CSNK1G1: variants seen among roughly 807,000 people sequenced by gnomAD.
CSNK1G1 encodes casein kinase 1 gamma 1.
CSNK1G1 carries 22 observed loss-of-function variants against 59.6 expected under a neutral mutation model. That is an observed-to-expected ratio of 0.37 (90% confidence interval 0.26 to 0.53). The LOEUF (loss-of-function observed/expected upper bound fraction) is 0.53. Among genes scored for constraint, CSNK1G1 ranks in the 20% least tolerant of loss-of-function variants. CSNK1G1 has a pLI of 0.89. For missense variants in CSNK1G1, 384 were observed against 519.5 expected, an observed-to-expected ratio of 0.74 and a Z score of 2.54; for synonymous variants, 179 against 177.1, an observed-to-expected ratio of 1.01 and a Z score of -0.08.
At chr15:64,242,011 G>A (rs1407654691) in intron 4 of CSNK1G1, among the ~76,000 whole-genome samples, 1 of 151,616 alleles carries the variant, frequency 6.6e-6, no homozygotes, top group African/African-American at 2.4e-5. Flanking sequence ...AATCAGAAAC[G>A]AAAAAGGAGA....
intron 3 of CSNK1G1, among the ~76,000 whole-genome samples, chr15:64,256,621 A>AT (rs374189649): frequency 7.1e-4 from 108 of 151,878 alleles, no homozygotes; most frequent in African/African-American, 2.3e-3. Context: ...AGCACAGGAG[A>AT]TTTTTTTTTA....
At chr15:64,309,406 T>TA (rs1895871907) in intron 1 of CSNK1G1, among the ~76,000 whole-genome samples, 1 of 151,182 alleles carries the variant, frequency 6.6e-6, no homozygotes, top group African/African-American at 2.4e-5. Context: ...CTCACAAGGC[T>TA]AAAAAAATCC....
intron 1 of CSNK1G1, among the ~76,000 whole-genome samples, chr15:64,347,436 C>T (rs1487635602): frequency 1.3e-5 from 2 of 151,892 alleles, no homozygotes; most frequent in African/African-American, 2.4e-5. Flanking sequence ...AATTGTGGCA[C>T]ATCTATACAA....
At chr15:64,215,094 C>G (rs541950576) in intron 5 of CSNK1G1, among the ~76,000 whole-genome samples, 3 of 152,130 alleles carry the variant, frequency 2.0e-5, no homozygotes, top group South Asian at 2.1e-4. Flanking sequence ...AGCCACCATG[C>G]CTGGCCAGGG....
chr15:64,188,578 G>T lies in CSNK1G1; in HGVS notation c.1108-8124C>A. ...CAAAATCAAGTACATTCGTGTCCCT[G>T]TAGGTTTTTCTTTCGGTTTTGGATT... On this transcript the variant is annotated intron_variant, in intron 10 of 11. Coordinates refer to ENST00000303052, the MANE Select transcript of CSNK1G1 (RefSeq NM_022048.5). This position sits in a 1 kb window ranked among gnomAD's most constrained non-coding sequence, Gnocchi z 4.2. 1 of 930,316 alleles carries T rather than the reference G, an allele frequency of 1.1e-6. No homozygotes were observed. The highest frequency in any genetic ancestry group is 1.6e-6 in the Non-Finnish European group (1 of 618,222). The allele number at this position is 930,316 out of a possible 1,614,324, so 57.6% of individuals were successfully genotyped here.
chr15:64,235,459 G>A (rs894034964), intron 4 of CSNK1G1, among the ~76,000 whole-genome samples: 12 of 152,184 alleles, frequency 7.9e-5, no homozygotes, highest in Admixed American at 5.9e-4. Context: ...CCCAAAGTGG[G>A]TGTCTGAGAA....
At chr15:64,349,177 T>C (rs1407970065) in intron 1 of CSNK1G1, among the ~76,000 whole-genome samples, 1 of 150,934 alleles carries the variant, frequency 6.6e-6, no homozygotes, top group Non-Finnish European at 1.5e-5. Flanking sequence ...GAAGAAAATG[T>C]ATAACTTTCA....
intron 10 of CSNK1G1, among the ~76,000 whole-genome samples, chr15:64,201,287 A>AG (rs1555499588): frequency 3.0e-4 from 44 of 149,070 alleles, no homozygotes; most frequent in African/African-American, 9.5e-4. Context: ...AAAAAAAAAA[A>AG]AAAGAAAGAA....
chr15:64,336,614 A>C (rs1897401390), intron 1 of CSNK1G1, among the ~76,000 whole-genome samples: 1 of 152,128 alleles, frequency 6.6e-6, no homozygotes, highest in Admixed American at 6.5e-5. Context: ...AACAATAATA[A>C]TTAATTTTTG....
At position 64,180,450 on chromosome 15, in the gene CSNK1G1, A is replaced by C; in HGVS notation, c.1112T>G (p.Val371Gly). The change falls in exon 11 of 12, where the codon GTT (valine) becomes GGT (glycine). Residue 371 changes from valine (V) to glycine (G), a missense_variant. Val to Gly is a moderately radical substitution (Grantham distance 109, BLOSUM62 -3). Around this residue, in one of 3 missense-constraint regions of CSNK1G1, gnomAD observed 325 missense variants for 440.9 expected, o/e 0.74. Transcript: ENST00000303052. Reference sequence around the variant, plus strand: ...ATTCAGCTCTCCATTGGTTGAGCTAACCACCTGAAACAGAAAGACAGAAGT... The same window carrying C: ...ATTCAGCTCTCCATTGGTTGAGCTACCCACCTGAAACAGAAAGACAGAAGT... ...SQQQPLRNQV[V>G]SSTNGELNVD... is the part of the protein sequence containing the mutation. 6.2e-7 allele frequency: 1 copy of C among 1,613,218 alleles called. No individual in the cohort carries two copies. Among genetic ancestry groups the C allele is most frequent in the Non-Finnish European group, 8.5e-7 (1 of 1,179,168 alleles).
intron 1 of CSNK1G1, among the ~76,000 whole-genome samples, chr15:64,322,531 C>T (rs1896619007): frequency 1.3e-5 from 2 of 151,904 alleles, no homozygotes; most frequent in African/African-American, 4.8e-5. Flanking sequence ...TCATTTAGTA[C>T]AGGCCAGGCA....
intron 2 of CSNK1G1, among the ~76,000 whole-genome samples, chr15:64,273,629 T>A (rs548193578): frequency 6.6e-6 from 1 of 151,788 alleles, no homozygotes; most frequent in East Asian, 1.9e-4. Flanking sequence ...CGGAAGGGTC[T>A]AAATGAGGGG....
At chr15:64,212,919 T>C (rs1296487529) in intron 6 of CSNK1G1, among the ~76,000 whole-genome samples, 1 of 152,030 alleles carries the variant, frequency 6.6e-6, no homozygotes, top group African/African-American at 2.4e-5. Flanking sequence ...GGCAGGAGAA[T>C]TGCTTGAACC....
intron 1 of CSNK1G1, among the ~76,000 whole-genome samples, chr15:64,323,224 G>T (rs1163719339): frequency 6.6e-6 from 1 of 152,112 alleles, no homozygotes; most frequent in Non-Finnish European, 1.5e-5. Context: ...AGCACAACCA[G>T]CCTCCTCTTG....
At chr15:64,249,269 C>G (rs1244743442) in intron 4 of CSNK1G1, among the ~76,000 whole-genome samples, 1 of 152,174 alleles carries the variant, frequency 6.6e-6, no homozygotes, top group East Asian at 1.9e-4. Flanking sequence ...ATTTAGATGA[C>G]TGTAAGAAAA....
chr15:64,239,144 A>C (rs557389524), intron 4 of CSNK1G1, among the ~76,000 whole-genome samples: 1 of 152,326 alleles, frequency 6.6e-6, no homozygotes, highest in African/African-American at 2.4e-5. Flanking sequence ...CTGCAGGTGA[A>C]AGTCTTTGTC....
intron 2 of CSNK1G1, among the ~76,000 whole-genome samples, chr15:64,271,530 C>A (rs964479135): frequency 1.8e-4 from 27 of 152,310 alleles, no homozygotes; most frequent in Middle Eastern, 6.8e-3. Context: ...CTCAAGCAAT[C>A]AGCCCACCTT....
chr15:64,311,601 G>A (rs889637997), intron 1 of CSNK1G1, among the ~76,000 whole-genome samples: 2 of 144,730 alleles, frequency 1.4e-5, no homozygotes, highest in African/African-American at 5.1e-5. Flanking sequence ...TGACATGCAT[G>A]ATGACCACGC....
chr15:64,182,068 T>G (rs1367193834), intron 10 of CSNK1G1, among the ~76,000 whole-genome samples: 3 of 139,674 alleles, frequency 2.1e-5, no homozygotes, highest in Non-Finnish European at 3.1e-5. Flanking sequence ...TTTTTTTTTT[T>G]TTTTTTTTTT....
Sources: allele counts gnomAD v4.1 joint callset (sites outside exome capture counted in the v4.1 genomes callset), GRCh38; gene constraint gnomAD v4.1.1; regional missense constraint gnomAD v4.1.1; non-coding constraint Gnocchi (gnomAD v3.1); transcripts MANE v1.5; gene names NCBI Gene and HGNC (gene_info 2026-07-23, HGNC 2026-07-21).